The following PTH2R variants were observed in gnomAD, a reference collection of about 807,000 sequenced individuals.
PTH2R encodes PTH2 receptor.
A neutral mutation model predicts 60.3 loss-of-function variants in PTH2R; 59 were observed. That is an observed-to-expected ratio of 0.98 (90% CI 0.79 to 1.22). PTH2R has a LOEUF of 1.22. Among genes scored for constraint, PTH2R ranks in the 50% most tolerant of loss-of-function variants. The pLI is 0.00. For synonymous variants in PTH2R, 256 were observed against 243.8 expected, an observed-to-expected ratio of 1.05 and a Z score of -0.47; for missense variants, 749 against 682.6, an observed-to-expected ratio of 1.10 and a Z score of -1.08.
intron 9 of PTH2R, among the ~76,000 whole-genome samples, chr2:208,470,527 G>C (rs1702859220): frequency 6.6e-6 from 1 of 152,076 alleles, no homozygotes; most frequent in South Asian, 2.1e-4. Flanking sequence ...GATTATATAA[G>C]GGGGAGTTTC....
At chr2:208,490,798 A>C in intron 12 of PTH2R, 118 bp downstream of exon 12, 2 of 896,578 alleles carry the variant, frequency 2.2e-6, no homozygotes. Flanking sequence ...GAGGAGAAGG[A>C]AGCTATTTTA....
chr2:208,401,935 CT>C (rs1057392885), upstream of PTH2R, among the ~76,000 whole-genome samples: 7 of 152,220 alleles, frequency 4.6e-5, no homozygotes, highest in Non-Finnish European at 8.8e-5. Context: ...TTCCTCTCCA[CT>C]GCACCTGTTC....
At chr2:208,406,459 G>A (rs1234600947), upstream of PTH2R, among the ~76,000 whole-genome samples, 2 of 152,148 alleles carry the variant, frequency 1.3e-5, no homozygotes, top group Non-Finnish European at 2.9e-5. Context: ...ACCTGGCCTC[G>A]GGAGCCTTTA....
intron 12 of PTH2R, among the ~76,000 whole-genome samples, chr2:208,492,710 A>G (rs1703431189): frequency 6.6e-6 from 1 of 152,286 alleles, no homozygotes; most frequent in East Asian, 1.9e-4. Context: ...AAGGGGAGTC[A>G]TGGGCCTATC....
At chr2:208,422,177 T>A (rs1701769556) in intron 1 of PTH2R, among the ~76,000 whole-genome samples, 1 of 152,156 alleles carries the variant, frequency 6.6e-6, no homozygotes, top group Non-Finnish European at 1.5e-5. Flanking sequence ...GGGTGCAAAT[T>A]CCTTCTTCCT....
intron 9 of PTH2R, among the ~76,000 whole-genome samples, chr2:208,480,151 G>A (rs1458244793): frequency 6.6e-6 from 1 of 152,146 alleles, no homozygotes; most frequent in Admixed American, 6.5e-5. Context: ...CAAATCCTCT[G>A]ATAACCAAAA....
rs1703384252 is a variant in PTH2R, at chr2:208,490,675, G to A, written c.1252G>A (p.Gly418Arg). 1.9e-6 allele frequency: 3 copies of A among 1,608,974 alleles called. No homozygotes were observed. In the African/African-American group the frequency reaches 4.0e-5, roughly 22 times the overall value. ...FVSIIYCYCN[G>R]EVQAEVKKMW... is the part of the protein sequence containing the mutation. ...GTCTATCATCTACTGCTACTGCAATGGAGAGGTAGGTTTGTAGGAACCTTG... is the reference window on the plus strand; with the variant it reads ...GTCTATCATCTACTGCTACTGCAATAGAGAGGTAGGTTTGTAGGAACCTTG... Residue 418 changes from glycine (G) to arginine (R), a missense_variant, in exon 12 of 13, where the codon GGA becomes AGA. Transcript: ENST00000272847.
chr2:208,450,982 A>G (rs1331348574), intron 8 of PTH2R, among the ~76,000 whole-genome samples, 173 bp downstream of exon 8: 2 of 152,170 alleles, frequency 1.3e-5, no homozygotes, highest in African/African-American at 4.8e-5. Context: ...CAAGCTGTCT[A>G]TTCCAGAGGT....
At chr2:208,462,819 G>A (rs1004956191) in intron 9 of PTH2R, among the ~76,000 whole-genome samples, 8 of 152,192 alleles carry the variant, frequency 5.3e-5, no homozygotes, top group South Asian at 2.1e-4. Flanking sequence ...AAGGTTGAGC[G>A]TGGGTGTGGA....
At chr2:208,404,607 G>A (rs532288979), upstream of PTH2R, among the ~76,000 whole-genome samples, 29 of 151,868 alleles carry the variant, frequency 1.9e-4, no homozygotes, top group African/African-American at 6.5e-4. Flanking sequence ...ATTGTTACAC[G>A]GGCCTTATGA....
chr2:208,470,929 G>C (rs1316267558), intron 9 of PTH2R, among the ~76,000 whole-genome samples: 1 of 152,204 alleles, frequency 6.6e-6, no homozygotes, highest in Non-Finnish European at 1.5e-5. Flanking sequence ...GTCTCGGATA[G>C]AGGTGAGGAA....
chr2:208,476,269 G>A (rs1195079632), intron 9 of PTH2R, among the ~76,000 whole-genome samples: 1 of 152,032 alleles, frequency 6.6e-6, no homozygotes, highest in Non-Finnish European at 1.5e-5. Flanking sequence ...TGACTAGGAA[G>A]GAAGGAATTT....
exon 1 of PTH2R, chr2:208,359,763 A>G (rs1700404525): frequency 6.5e-6 from 1 of 153,974 alleles, no homozygotes; most frequent in Non-Finnish European, 1.4e-5. Context: ...CTTCCCTCCC[A>G]CAGGAACTCA....
intron 1 of PTH2R, among the ~76,000 whole-genome samples, chr2:208,382,562 A>G (rs1700933930): frequency 6.6e-6 from 1 of 152,216 alleles, no homozygotes; most frequent in Admixed American, 6.5e-5. Flanking sequence ...GCAGGTACAC[A>G]GAAAATGTGC....
At chr2:208,418,931 A>G (rs1202000439) in intron 1 of PTH2R, among the ~76,000 whole-genome samples, 1 of 152,212 alleles carries the variant, frequency 6.6e-6, no homozygotes, top group Non-Finnish European at 1.5e-5. Flanking sequence ...TTTTACATGT[A>G]TAAATAATAC....
intron 1 of PTH2R, among the ~76,000 whole-genome samples, chr2:208,369,526 C>T (rs1030782434): frequency 4.6e-5 from 7 of 151,976 alleles, no homozygotes; most frequent in Admixed American, 6.6e-5. Flanking sequence ...CCACCATGCC[C>T]GGCTTATTTT....
chr2:208,431,817 G>C (rs1192359253), intron 2 of PTH2R, among the ~76,000 whole-genome samples: 1 of 152,188 alleles, frequency 6.6e-6, no homozygotes, highest in Non-Finnish European at 1.5e-5. Flanking sequence ...TAAGTAAACA[G>C]GTCAATAGAA....
chr2:208,476,873 C>T (rs1383288178), intron 9 of PTH2R, among the ~76,000 whole-genome samples: 6 of 152,072 alleles, frequency 3.9e-5, no homozygotes, highest in Non-Finnish European at 8.8e-5. Context: ...CAGGATCTTC[C>T]CACCTGGGCA....
chr2:208,414,857 C>A (rs939734729), intron 1 of PTH2R, among the ~76,000 whole-genome samples: 1 of 152,008 alleles, frequency 6.6e-6, no homozygotes, highest in Non-Finnish European at 1.5e-5. Flanking sequence ...CCTCTGTGGT[C>A]TTCCCTTTCA....
Sources: allele counts gnomAD v4.1 joint callset (sites outside exome capture counted in the v4.1 genomes callset), GRCh38; gene constraint gnomAD v4.1.1; transcripts MANE v1.5; gene names NCBI Gene and HGNC (gene_info 2026-07-23, HGNC 2026-07-21).